The following ADCY7 variants were observed in gnomAD, a reference collection of about 807,000 sequenced individuals.
ADCY7 encodes the protein adenylate cyclase type 7.
In ADCY7, 72 loss-of-function variants were observed where a neutral mutation model predicts 120.6. That is an observed-to-expected ratio of 0.60 (90% CI 0.49 to 0.73). The LOEUF is 0.73. Among genes scored for constraint, ADCY7 ranks in the 30% least tolerant of loss-of-function variants. ADCY7 has a pLI of 0.00. For missense variants in ADCY7, 1,227 were observed against 1,486.0 expected, an observed-to-expected ratio of 0.83 and a Z score of 2.87; for synonymous variants, 661 against 628.0, an observed-to-expected ratio of 1.05 and a Z score of -0.78.
At chr16:50,288,391 A>T (rs1279163387) in intron 2 of ADCY7, 41 bp downstream of exon 2, 4 of 1,492,376 alleles carry the variant, frequency 2.7e-6, no homozygotes, top group Non-Finnish European at 3.6e-6. Flanking sequence ...CTCGGCCCCA[A>T]CCTTGGCCAA....
intron 2 of ADCY7, 78 bp downstream of exon 2, chr16:50,288,428 G>A (rs2034720522): frequency 8.1e-6 from 11 of 1,353,170 alleles, no homozygotes; most frequent in Non-Finnish European, 1.1e-5. Flanking sequence ...AGCCTCTTCT[G>A]TAAAATGCTT....
chr16:50,294,900 TGGTAAAGGTGG>T (rs1646978166), intron 7 of ADCY7, 149 bp downstream of exon 7: 2 of 605,458 alleles, frequency 3.3e-6, no homozygotes, highest in South Asian at 3.8e-5. Context: ...AAGCGCCCCA[TGGTAAAGGTGG>T]GGGTGAGTGG....
chr16:50,300,441 C>A (rs116425020), intron 8 of ADCY7, among the ~76,000 whole-genome samples: 1 of 152,188 alleles, frequency 6.6e-6, no homozygotes, highest in Non-Finnish European at 1.5e-5. Flanking sequence ...TATTTTAGGT[C>A]CATCAACATG....
intron 1 of ADCY7, among the ~76,000 whole-genome samples, chr16:50,255,402 G>GGAAAAAAAAAAAAAAAAAAA (rs368044444): frequency 1.3e-4 from 14 of 108,126 alleles, no homozygotes; most frequent in African/African-American, 4.4e-4. Flanking sequence ...TCTGTTTCTG[G>GGAAAAAAAAAAAAAAAAAAA]AAAAAAAAAA....
At chr16:50,315,313 GT>G in intron 25 of ADCY7, 45 bp from the exon 26 acceptor site, 1 of 1,589,518 alleles carries the variant, frequency 6.3e-7, no homozygotes, top group Non-Finnish European at 8.6e-7. Context: ...ACCATGACAG[GT>G]GTTCTTCCCG....
chr16:50,272,058 C>G (rs549731192), intron 1 of ADCY7, among the ~76,000 whole-genome samples: 1 of 152,196 alleles, frequency 6.6e-6, no homozygotes, highest in Non-Finnish European at 1.5e-5. Flanking sequence ...CAGGTACCCC[C>G]GTTTCCAGTT....
In ADCY7 at chr16:50,310,883, G is replaced by A. The variant is rs1283182184; in HGVS notation, c.2354+3G>A. 1 of 1,592,960 alleles carries A rather than the reference G, an allele frequency of 6.3e-7. No individual in the cohort carries two copies. Among genetic ancestry groups the A allele is most frequent in the East Asian group, 2.3e-5 (1 of 43,606 alleles). ...ACCAAGCCCAACGGCACCACCAGGT[G>A]GGGTCCCGCCCGTCCCCGTCCCCAT... On this transcript the variant is annotated splice_donor_region_variant and intron_variant, in intron 19 of 25. Transcript: ENST00000673801.
intron 8 of ADCY7, 51 bp from the exon 9 acceptor site, chr16:50,300,664 C>T (rs1464644517): frequency 6.5e-7 from 1 of 1,542,812 alleles, no homozygotes; most frequent in Non-Finnish European, 8.8e-7. Flanking sequence ...GGAGCTTCAG[C>T]CTGTCCCAGG....
intron 1 of ADCY7, among the ~76,000 whole-genome samples, chr16:50,255,717 C>A (rs1443407722): frequency 6.6e-6 from 1 of 152,138 alleles, no homozygotes; most frequent in Non-Finnish European, 1.5e-5. Context: ...GTCTCGAACT[C>A]CTGAGCTCAA....
chr16:50,304,469 C>T lies in ADCY7; in HGVS notation c.1478C>T (p.Ala493Val), dbSNP rs771556959. ...ACCCGGTACCTCGAGTCCTGGGGGG[C>T]GGCACGGCCCTTTGCACATCTCAAC... is the stretch of plus-strand genomic sequence containing the variant. ...RMTRYLESWG[A>V]ARPFAHLNHR... The change falls in exon 11 of 26, where the codon GCG becomes GTG. Residue 493 changes from alanine to valine, a missense_variant. This residue lies in a region of ADCY7 where 332 missense variants were observed against 455.8 expected (regional missense o/e 0.73). Transcript: ENST00000673801. 3.7e-6 allele frequency: 6 copies of T among 1,608,566 alleles called. No individual in the cohort carries two copies. Among genetic ancestry groups the T allele is most frequent in the African/African-American group, 1.3e-5 (1 of 74,686 alleles).
rs780796381 is a variant in ADCY7, at chr16:50,272,452, C to T, written c.-269+5772C>T. Among the ~76,000 whole-genome samples the T allele has an allele frequency of 3.9e-5, 6 of 152,334 alleles. No individual in the cohort carries two copies. The East Asian group carries it at 5.8e-4, about 15-fold the overall frequency. ...TGAGATCATTGCTTCCTGGAGTCAC[C>T]GACTGGCTGGGCAGGGAGAAGCCTA... On this transcript the variant is annotated intron_variant, in intron 1 of 25. Transcript: ENST00000673801.
intron 1 of ADCY7, among the ~76,000 whole-genome samples, chr16:50,281,940 G>A (rs888143310): frequency 6.6e-6 from 1 of 152,202 alleles, no homozygotes; most frequent in Non-Finnish European, 1.5e-5. Flanking sequence ...CAGGGGAGCC[G>A]AGAGCCGGCA....
intron 1 of ADCY7, among the ~76,000 whole-genome samples, chr16:50,253,450 C>T (rs1362320259): frequency 6.6e-6 from 1 of 152,194 alleles, no homozygotes; most frequent in Non-Finnish European, 1.5e-5. Flanking sequence ...CATGGTTTCA[C>T]CATGTTGCCC....
upstream of ADCY7, among the ~76,000 whole-genome samples, chr16:50,244,798 T>C (rs1333466656): frequency 6.6e-6 from 1 of 152,172 alleles, no homozygotes; most frequent in Non-Finnish European, 1.5e-5. Context: ...GCCAGGGCCC[T>C]CCACGGGGAG....
At chr16:50,265,680 C>G (rs910015268), upstream of ADCY7, among the ~76,000 whole-genome samples, 2 of 152,208 alleles carry the variant, frequency 1.3e-5, no homozygotes, top group African/African-American at 2.4e-5. Context: ...AGAGGGGTGT[C>G]TGACCCTGGA....
At chr16:50,245,505 C>T (rs569354670), upstream of ADCY7, among the ~76,000 whole-genome samples, 3 of 152,160 alleles carry the variant, frequency 2.0e-5, no homozygotes, top group Non-Finnish European at 2.9e-5. Context: ...GGAAACAGAG[C>T]AGATTTTTTT....
chr16:50,294,760 G>T lies in ADCY7; in HGVS notation c.948+9G>T. The stretch of plus-strand genomic sequence containing the variant: ...TCGACCAGATCGCCAAGGTGAGCCC[G>T]CTGGCCTACAATGGGCAAAGCCAGG... On this transcript the variant is annotated intron_variant, in intron 7 of 25. Transcript: ENST00000673801. 2 of 1,601,362 alleles carry T rather than the reference G, an allele frequency of 1.2e-6. No individual in the cohort carries two copies. Among genetic ancestry groups the T allele is most frequent in the Non-Finnish European group, 8.5e-7 (1 of 1,170,238 alleles).
rs185850643 is a variant in ADCY7, at chr16:50,315,400, C to G, written c.3138C>G (p.Tyr1046Ter). 6.2e-7 allele frequency: 1 copy of G among 1,613,882 alleles called. No individual in the cohort carries two copies. Among genetic ancestry groups the G allele is most frequent in the African/African-American group, 1.3e-5 (1 of 75,032 alleles). ...GCACCATCCTCCAGGGCCTCGGGTA[C>G]TCTTGTGAATGCCGTGGCCTGATCA... is the stretch of plus-strand genomic sequence containing the variant. ...ETCTILQGLG[Y>*]SCECRGLINV... The change falls in exon 26 of 26, where the codon TAC becomes TAG. Residue 1046 changes from tyrosine to a stop codon, truncating the protein, a stop_gained. Coordinates refer to ENST00000673801, the MANE Select transcript of ADCY7 (RefSeq NM_001114.5). LOFTEE classifies it high-confidence loss of function.
In ADCY7 at chr16:50,286,877, A is replaced by G. The variant is rs1482124973; in HGVS notation, c.-268-1035A>G. On this transcript the variant is annotated intron_variant, in intron 1 of 25. Coordinates refer to ENST00000673801, the MANE Select transcript of ADCY7 (RefSeq NM_001114.5). ...CACACCATACCCAGAGTGAATCGAA[A>G]TGGATCAGAGACCTTTGTGTGAAAG... is the stretch of plus-strand genomic sequence containing the variant. 2.6e-5 allele frequency among the ~76,000 whole-genome samples: 4 copies of G among 152,360 alleles called. No individual in the cohort carries two copies. The East Asian group carries it at 7.7e-4, about 29-fold the overall frequency.
Sources: allele counts gnomAD v4.1 joint callset (sites outside exome capture counted in the v4.1 genomes callset), GRCh38; gene constraint gnomAD v4.1.1; regional missense constraint gnomAD v4.1.1; transcripts MANE v1.5; gene names NCBI Gene and HGNC (gene_info 2026-07-23, HGNC 2026-07-21).